Variants in PRKCE observed in about 807,000 individuals in gnomAD.
The protein encoded by PRKCE is protein kinase C epsilon type.
Under a neutral mutation model 85.4 loss-of-function variants are expected in PRKCE, and 16 were observed. The ratio of observed to expected loss-of-function variants is 0.19; its 90% CI spans 0.13 to 0.28. The LOEUF is 0.28. PRKCE is among the 10% of genes least tolerant of loss of function. The probability of loss-of-function intolerance (pLI) is 1.00; values close to 1 mark genes in which losing one functional copy is unlikely to be tolerated. For synonymous variants in PRKCE, 388 were observed against 371.5 expected (o/e 1.04, Z -0.51); for missense variants, 573 against 975.2 (o/e 0.59, Z 5.49).
chr2:46,152,763 G>T (rs745473253), intron 13 of PRKCE, among the ~76,000 whole-genome samples: 23 of 151,828 alleles, frequency 1.5e-4, no homozygotes, highest in Non-Finnish European at 2.8e-4. Context: ...TGGCCAGGCT[G>T]GTTCCGAACT....
At chr2:45,838,310 C>T (rs1691060018) in intron 1 of PRKCE, among the ~76,000 whole-genome samples, 1 of 152,220 alleles carries the variant, frequency 6.6e-6, no homozygotes, top group African/African-American at 2.4e-5. Flanking sequence ...CTTGCAAGCT[C>T]TGTTGACCTC....
intron 1 of PRKCE, among the ~76,000 whole-genome samples, chr2:45,738,192 C>A (rs1186621131): frequency 6.6e-6 from 1 of 152,186 alleles, no homozygotes; most frequent in Non-Finnish European, 1.5e-5. Context: ...TAATTAAAAT[C>A]ATTAATTAAC....
intron 1 of PRKCE, among the ~76,000 whole-genome samples, chr2:45,755,889 A>G (rs2104783031): frequency 6.6e-6 from 1 of 152,302 alleles, no homozygotes; most frequent in South Asian, 2.1e-4. Flanking sequence ...CCTTAAAGGC[A>G]GCTGGAACTG....
chr2:45,908,134 G>A (rs1051492269), intron 2 of PRKCE, among the ~76,000 whole-genome samples: 1 of 152,184 alleles, frequency 6.6e-6, no homozygotes, highest in African/African-American at 2.4e-5. Flanking sequence ...CCAAGGGGAA[G>A]GAATTATATC....
chr2:46,103,288 G>C (rs530760982), intron 11 of PRKCE, among the ~76,000 whole-genome samples: 21 of 152,012 alleles, frequency 1.4e-4, no homozygotes, highest in Non-Finnish European at 3.1e-4. Flanking sequence ...CTTACTTTCT[G>C]GTATTACAAA....
At chr2:45,959,697 A>C (rs539479816) in intron 2 of PRKCE, among the ~76,000 whole-genome samples, 2 of 152,152 alleles carry the variant, frequency 1.3e-5, no homozygotes, top group African/African-American at 2.4e-5. Flanking sequence ...TTGTTCCCAG[A>C]GGTTAATGCC....
intron 1 of PRKCE, among the ~76,000 whole-genome samples, chr2:45,800,804 T>C (rs1459889700): frequency 6.6e-6 from 1 of 152,208 alleles, no homozygotes; most frequent in African/African-American, 2.4e-5. Flanking sequence ...TCTTCACTAA[T>C]TATCTCCTAT....
intron 11 of PRKCE, among the ~76,000 whole-genome samples, chr2:46,123,034 C>T (rs536029715): frequency 1.3e-5 from 2 of 150,520 alleles, no homozygotes; most frequent in Admixed American, 1.3e-4. Flanking sequence ...GAAAGCTTTA[C>T]CAGATCACCT....
At chr2:46,096,579 T>C (rs1670701531) in intron 11 of PRKCE, among the ~76,000 whole-genome samples, 1 of 152,152 alleles carries the variant, frequency 6.6e-6, no homozygotes, top group South Asian at 2.1e-4. Context: ...AGGGAAGACC[T>C]TGTGAAGAAA....
intron 10 of PRKCE, among the ~76,000 whole-genome samples, chr2:46,072,485 A>G (rs970553140): frequency 2.6e-5 from 4 of 152,268 alleles, no homozygotes; most frequent in Non-Finnish European, 4.4e-5. Flanking sequence ...CAACATGTCT[A>G]TAAGACTAAA....
At chr2:45,962,929 C>G (rs1218955675) in intron 2 of PRKCE, among the ~76,000 whole-genome samples, 1 of 152,126 alleles carries the variant, frequency 6.6e-6, no homozygotes, top group East Asian at 1.9e-4. Context: ...TTTGGTCAGT[C>G]TCAGTGGAAC....
intron 1 of PRKCE, among the ~76,000 whole-genome samples, chr2:45,726,617 A>T (rs1367261961): frequency 6.6e-6 from 1 of 152,224 alleles, no homozygotes; most frequent in Non-Finnish European, 1.5e-5. Context: ...ACACTGGGAA[A>T]CAAAATATTT....
At chr2:45,818,706 C>T (rs1339553353) in intron 1 of PRKCE, among the ~76,000 whole-genome samples, 2 of 152,182 alleles carry the variant, frequency 1.3e-5, no homozygotes, top group African/African-American at 2.4e-5. Context: ...AGAGTGACCA[C>T]AGCAGTTTTA....
intron 1 of PRKCE, among the ~76,000 whole-genome samples, chr2:45,758,658 C>T (rs562693110): frequency 1.3e-5 from 2 of 152,302 alleles, no homozygotes; most frequent in East Asian, 3.9e-4. Context: ...AGGTATGTAT[C>T]TTTATTTGCT....
chr2:46,072,267 T>A (rs1261809235), intron 10 of PRKCE, among the ~76,000 whole-genome samples: 2 of 152,240 alleles, frequency 1.3e-5, no homozygotes, highest in Non-Finnish European at 2.9e-5. Flanking sequence ...GATCAAGTGT[T>A]CAGAATCCAT....
intron 1 of PRKCE, among the ~76,000 whole-genome samples, chr2:45,713,062 G>T (rs1344638960): frequency 6.6e-6 from 1 of 152,184 alleles, no homozygotes; most frequent in African/African-American, 2.4e-5. Flanking sequence ...TCCCAGTCTG[G>T]TGCTGACTTG....
chr2:45,893,159 G>A (rs370951931), intron 2 of PRKCE, among the ~76,000 whole-genome samples: 6 of 152,104 alleles, frequency 3.9e-5, no homozygotes, highest in Admixed American at 6.5e-5. Flanking sequence ...CACATGCAGC[G>A]CTCAGTTGAG....
chr2:45,716,506 G>T (rs1156382665), intron 1 of PRKCE, among the ~76,000 whole-genome samples: 1 of 150,724 alleles, frequency 6.6e-6, no homozygotes, highest in Non-Finnish European at 1.5e-5. Context: ...GGGAAACAGA[G>T]CAAGACTCTG....
intron 11 of PRKCE, among the ~76,000 whole-genome samples, chr2:46,093,994 A>G (rs1360421149): frequency 3.3e-5 from 5 of 152,138 alleles, no homozygotes; most frequent in African/African-American, 1.2e-4. Flanking sequence ...GTTAATAAAT[A>G]TCTCTTTGTT....
Sources: gnomAD v4.1 joint callset for allele counts (sites outside exome capture counted in the v4.1 genomes callset) on GRCh38, gnomAD v4.1.1 for gene constraint, MANE v1.5 for transcripts, NCBI Gene and HGNC (gene_info 2026-07-23, HGNC 2026-07-21) for gene names.